PALLD: variants seen among roughly 807,000 people sequenced by gnomAD.
PALLD encodes palladin, cytoskeletal associated protein.
Under a neutral mutation model 123.5 loss-of-function variants are expected in PALLD, and 61 were observed. The observed-to-expected ratio is 0.49, with a 90% CI of 0.40 to 0.61. The LOEUF (loss-of-function observed/expected upper bound fraction) is 0.61. Ranked by LOEUF, PALLD falls within the 20% of genes least tolerant of loss-of-function variation. The pLI is 0.00. For synonymous variants in PALLD, 465 were observed against 496.4 expected, an observed-to-expected ratio of 0.94 and a Z score of 0.84; for missense variants, 1,273 against 1,377.0, an observed-to-expected ratio of 0.92 and a Z score of 1.20.
intron 10 of PALLD, among the ~76,000 whole-genome samples, chr4:168,744,675 T>A (rs1041353878): frequency 2.0e-5 from 3 of 152,234 alleles, no homozygotes; most frequent in Non-Finnish European, 4.4e-5. Flanking sequence ...CAATTTACAA[T>A]GATTCAACTT....
intron 2 of PALLD, chr4:168,598,423 C>A (rs867547304): frequency 1.7e-4 from 104 of 627,036 alleles, no homozygotes; most frequent in Middle Eastern, 1.5e-3. Context: ...TTCCAGGAAA[C>A]ATTTCTGTGA....
In PALLD at chr4:168,904,138, G is replaced by A. The variant is rs1013893967; in HGVS notation, c.2622+232G>A. 3 of 523,326 alleles carry A rather than the reference G, an allele frequency of 5.7e-6. No individual in the cohort carries two copies. The South Asian group carries it at 6.1e-5, about 11-fold the overall frequency. 32.4% of individuals were successfully genotyped at this position (523,326 alleles called of 1,614,324 possible). A position where few individuals can be genotyped will look rare whatever the true frequency, so the allele number is the denominator to read the frequency against. On this transcript the variant is annotated intron_variant, in intron 15 of 21. Coordinates refer to ENST00000505667, the MANE Select transcript of PALLD (RefSeq NM_001166108.2). The stretch of plus-strand genomic sequence containing the variant: ...ACTCCTTCCACAAATATTATTAAGG[G>A]TCTAATATGTACACACTTTCTATGT...
chr4:168,910,218 T>C (rs1758634179), intron 15 of PALLD, among the ~76,000 whole-genome samples: 1 of 134,752 alleles, frequency 7.4e-6, no homozygotes, highest in South Asian at 2.5e-4. Context: ...CCAACCTGTT[T>C]ACTTTTTTTT....
At chr4:168,866,596 T>C (rs979986712) in intron 10 of PALLD, among the ~76,000 whole-genome samples, 1 of 152,342 alleles carries the variant, frequency 6.6e-6, no homozygotes, top group South Asian at 2.1e-4. Context: ...AAACACATGA[T>C]GTTTGTTTAG....
chr4:168,559,779 A>C (rs1767676206), intron 2 of PALLD, among the ~76,000 whole-genome samples: 1 of 151,966 alleles, frequency 6.6e-6, no homozygotes, highest in Non-Finnish European at 1.5e-5. Flanking sequence ...CCTAGCTACT[A>C]CAGGCACCTG....
intron 16 of PALLD, among the ~76,000 whole-genome samples, chr4:168,914,597 A>T (rs1759719149): frequency 6.6e-6 from 1 of 152,050 alleles, no homozygotes; most frequent in Non-Finnish European, 1.5e-5. Context: ...CACTGATGGA[A>T]CAATGGTAGG....
intron 10 of PALLD, among the ~76,000 whole-genome samples, chr4:168,838,767 A>G (rs1436208536): frequency 1.4e-5 from 2 of 146,366 alleles, no homozygotes; most frequent in South Asian, 2.1e-4. Context: ...TGACTGCTAC[A>G]GGAAACCTAC....
At chr4:168,576,771 A>G (rs28891971) in intron 2 of PALLD, among the ~76,000 whole-genome samples, 53,686 of 152,012 alleles carry the variant, frequency 0.35, 11,078 homozygotes, top group East Asian at 0.75. Context: ...TGCTGGGTCA[A>G]ATGGTATTTC....
intron 2 of PALLD, among the ~76,000 whole-genome samples, chr4:168,620,238 C>T (rs1488231104): frequency 5.3e-5 from 8 of 152,282 alleles, no homozygotes; most frequent in African/African-American, 1.4e-4. Context: ...AGGTGGATCA[C>T]GAGGTCAGGA....
intron 10 of PALLD, among the ~76,000 whole-genome samples, chr4:168,729,467 G>C (rs866769975): frequency 3.3e-5 from 5 of 152,198 alleles, no homozygotes; most frequent in Middle Eastern, 6.8e-3. Flanking sequence ...CCTGGCCTGG[G>C]CATCTTCTTA....
Position 168,903,393 on chromosome 4 carries a change from G to A in PALLD, c.2473-364G>A, listed in dbSNP as rs113718271. 2.7e-3 allele frequency among the ~76,000 whole-genome samples: 414 copies of A among 151,980 alleles called. 1 individual carries two copies. Among genetic ancestry groups the A allele is most frequent in the African/African-American group, 9.2e-3 (380 of 41,428 alleles). On this transcript the variant is annotated intron_variant, in intron 14 of 21. Transcript: ENST00000505667. ...CTGGTACATTTGAAAAAAGAAAAAT[G>A]GCCTTCATAGAAGGCCACTTCATAG...
In PALLD at chr4:168,764,552, C is replaced by T. The variant is rs72986829; in HGVS notation, c.1964+52629C>T. Among the ~76,000 whole-genome samples the T allele has an allele frequency of 1.7e-3, 257 of 152,126 alleles. 1 individual carries two copies. The highest frequency in any genetic ancestry group is 5.6e-3 in the African/African-American group (234 of 41,502). On this transcript the variant is annotated intron_variant, in intron 10 of 21. Transcript: ENST00000505667. ...CTTACCTCAACCTCCAGAGTAGCTC[C>T]GACTACAGATGTGTGCCACTGTGCC...
chr4:168,578,269 G>T (rs980344960), intron 2 of PALLD, among the ~76,000 whole-genome samples: 2 of 151,110 alleles, frequency 1.3e-5, no homozygotes, highest in African/African-American at 4.9e-5. Context: ...ATATGGTTCA[G>T]CTGGGTCCCC....
In PALLD at chr4:168,895,492, G is replaced by A. The variant is rs551578588; in HGVS notation, c.2199+815G>A. 5.9e-5 allele frequency among the ~76,000 whole-genome samples: 9 copies of A among 152,318 alleles called. No homozygotes were observed. The East Asian group carries it at 1.5e-3, about 26-fold the overall frequency. On this transcript the variant is annotated intron_variant, in intron 12 of 21. Transcript: ENST00000505667. Reference sequence around the variant, plus strand: ...CTGATAACAAAGAGTTGATTAACACGTATTCTGTATGTTATATGTATTATA... The same window carrying A: ...CTGATAACAAAGAGTTGATTAACACATATTCTGTATGTTATATGTATTATA...
At chr4:168,837,123 C>A (rs1169063871) in intron 10 of PALLD, among the ~76,000 whole-genome samples, 1 of 152,048 alleles carries the variant, frequency 6.6e-6, no homozygotes, top group African/African-American at 2.4e-5. Flanking sequence ...GACTGCAGAG[C>A]GATGGGGAGG....
intron 15 of PALLD, among the ~76,000 whole-genome samples, chr4:168,912,127 T>C (rs909711231): frequency 6.6e-6 from 1 of 152,182 alleles, no homozygotes; most frequent in Non-Finnish European, 1.5e-5. Flanking sequence ...GCCCTCACCC[T>C]GACCCCCACT....
chr4:168,621,237 A>G (rs1221380303), intron 2 of PALLD, among the ~76,000 whole-genome samples: 2 of 152,368 alleles, frequency 1.3e-5, no homozygotes, highest in Non-Finnish European at 2.9e-5. Flanking sequence ...TCAATAAACA[A>G]TGAATCAATA....
chr4:168,922,187 G>A (rs929508564), intron 18 of PALLD, among the ~76,000 whole-genome samples: 1 of 150,600 alleles, frequency 6.6e-6, no homozygotes, highest in Non-Finnish European at 1.5e-5. Flanking sequence ...CATAGTCATT[G>A]TCAAACTACA....
At chr4:168,691,759 C>T (rs529862494) in intron 8 of PALLD, among the ~76,000 whole-genome samples, 2 of 152,160 alleles carry the variant, frequency 1.3e-5, no homozygotes, top group Middle Eastern at 6.8e-3. Context: ...CATTTGTGTG[C>T]CCTGAGCCAT....
Sources: allele counts gnomAD v4.1 joint callset (sites outside exome capture counted in the v4.1 genomes callset), GRCh38; gene constraint gnomAD v4.1.1; transcripts MANE v1.5; gene names NCBI Gene and HGNC (gene_info 2026-07-23, HGNC 2026-07-21).